The following IGSF21 variants were observed in gnomAD, a reference collection of about 807,000 sequenced individuals.
IGSF21 encodes the protein immunoglobulin superfamily member 21.
A neutral mutation model predicts 46.8 loss-of-function variants in IGSF21; 28 were observed. That is an observed-to-expected ratio of 0.60 (90% confidence interval 0.44 to 0.82). The LOEUF (loss-of-function observed/expected upper bound fraction) is 0.82. Among genes scored for constraint, IGSF21 ranks in the 40% least tolerant of loss-of-function variants. The pLI, the probability that IGSF21 is intolerant of heterozygous loss-of-function variation, is 0.00. For synonymous variants in IGSF21, 284 were observed against 273.6 expected, an observed-to-expected ratio of 1.04 and a Z score of -0.38; for missense variants, 624 against 665.5, an observed-to-expected ratio of 0.94 and a Z score of 0.69.
chr1:18,366,532 G>A (rs552426129), intron 6 of IGSF21, among the ~76,000 whole-genome samples: 12 of 152,150 alleles, frequency 7.9e-5, no homozygotes, highest in Non-Finnish European at 1.8e-4. Flanking sequence ...TGAGCTCAGA[G>A]GACAGTTGCT....
intron 2 of IGSF21, among the ~76,000 whole-genome samples, chr1:18,256,220 C>A (rs529149699): frequency 1.3e-5 from 2 of 152,174 alleles, no homozygotes; most frequent in African/African-American, 2.4e-5. Flanking sequence ...ATTCCTACCC[C>A]CCTTTAGGCT....
At chr1:18,160,513 G>A (rs894083376) in intron 1 of IGSF21, among the ~76,000 whole-genome samples, 3 of 152,034 alleles carry the variant, frequency 2.0e-5, no homozygotes, top group Non-Finnish European at 2.9e-5. Flanking sequence ...AGGCACACTT[G>A]GCTCTGCACT....
chr1:18,337,336 G>C lies in IGSF21; in HGVS notation c.424+2326G>C, dbSNP rs1452881008. Among the ~76,000 whole-genome samples, 3 of 152,168 alleles carry C rather than the reference G, an allele frequency of 2.0e-5. No homozygotes were observed. On this transcript the variant is annotated intron_variant, in intron 4 of 9. Coordinates refer to ENST00000251296, the MANE Select transcript of IGSF21 (RefSeq NM_032880.5). The surrounding 1 kb of genome is among the most constrained non-coding windows in gnomAD (Gnocchi z 5.7). ...TGCTTCCCTCCTAGGGTGGCTGTGA[G>C]GCTTAAAGTAGATAAAGTTTGCAGA...
At chr1:18,315,852 G>A (rs2085537897) in intron 3 of IGSF21, among the ~76,000 whole-genome samples, 1 of 150,830 alleles carries the variant, frequency 6.6e-6, no homozygotes, top group African/African-American at 2.4e-5. Context: ...GGGGGTGAGT[G>A]GATGGATAGC....
intron 1 of IGSF21, among the ~76,000 whole-genome samples, chr1:18,130,002 C>A (rs2086304144): frequency 1.3e-5 from 2 of 152,146 alleles, no homozygotes; most frequent in African/African-American, 2.4e-5. Flanking sequence ...TTATAAATTA[C>A]CCATGTTGTG....
At chr1:18,221,457 C>A (rs1199432217) in intron 1 of IGSF21, among the ~76,000 whole-genome samples, 1 of 152,204 alleles carries the variant, frequency 6.6e-6, no homozygotes, top group African/African-American at 2.4e-5. Context: ...AGCCAGCCCT[C>A]TGGACACATC....
chr1:18,221,881 C>A (rs879378635), intron 1 of IGSF21, among the ~76,000 whole-genome samples: 21 of 152,278 alleles, frequency 1.4e-4, no homozygotes, highest in Non-Finnish European at 2.2e-4. Context: ...GGAAGGTGGC[C>A]TCTGCTTCTG....
At chr1:18,188,192 AG>A (rs1429204853) in intron 1 of IGSF21, among the ~76,000 whole-genome samples, 1 of 151,260 alleles carries the variant, frequency 6.6e-6, no homozygotes, top group East Asian at 2.2e-4. Flanking sequence ...TTTTCGAAAA[AG>A]AAGAAGAGGA....
chr1:18,246,130 T>C (rs993583619), intron 2 of IGSF21, among the ~76,000 whole-genome samples: 1 of 152,152 alleles, frequency 6.6e-6, no homozygotes, highest in Admixed American at 6.5e-5. Flanking sequence ...TTGTTTCTCT[T>C]GAGCAGCATC....
chr1:18,227,764 C>T (rs1198228529), intron 1 of IGSF21, 134 bp from the exon 2 acceptor site: 7 of 664,522 alleles, frequency 1.1e-5, no homozygotes, highest in Admixed American at 4.1e-5. Context: ...GTGTGAACAG[C>T]GTCCCTCAAA....
intron 2 of IGSF21, among the ~76,000 whole-genome samples, chr1:18,264,232 A>G (rs1440781722): frequency 6.6e-6 from 1 of 152,110 alleles, no homozygotes; most frequent in East Asian, 1.9e-4. Flanking sequence ...CTTATTTCAC[A>G]AGAATCCCGT....
At chr1:18,166,409 T>C (rs528168225) in intron 1 of IGSF21, among the ~76,000 whole-genome samples, 56 of 152,260 alleles carry the variant, frequency 3.7e-4, no homozygotes, top group African/African-American at 1.3e-3. Context: ...TTGACCTCCC[T>C]GGCCTGAAGT....
At chr1:18,146,572 C>G (rs1328682839) in intron 1 of IGSF21, among the ~76,000 whole-genome samples, 1 of 152,170 alleles carries the variant, frequency 6.6e-6, no homozygotes, top group Non-Finnish European at 1.5e-5. Context: ...CTGCCCACAC[C>G]TCCACTCCCT....
At chr1:18,352,692 A>G (rs1364942611) in intron 4 of IGSF21, among the ~76,000 whole-genome samples, 1 of 152,210 alleles carries the variant, frequency 6.6e-6, no homozygotes, top group African/African-American at 2.4e-5. Flanking sequence ...TTCACTGCCT[A>G]GAAGGCTGCC....
At chr1:18,273,405 CTTTCCTTTCT>C (rs1557618229) in intron 2 of IGSF21, among the ~76,000 whole-genome samples, 22 of 133,242 alleles carry the variant, frequency 1.7e-4, no homozygotes, top group African/African-American at 5.8e-4. Context: ...CTTTCCTTTC[CTTTCCTTTCT>C]TTTCCTTTCC....
rs1426225557 is a variant in IGSF21 at position 18,337,823 on chromosome 1, C to T, written c.424+2813C>T. Among the ~76,000 whole-genome samples, 3 of 152,124 alleles carry T rather than the reference C, an allele frequency of 2.0e-5. No homozygotes were observed. Among genetic ancestry groups the T allele is most frequent in the African/African-American group, 7.2e-5 (3 of 41,432 alleles). On this transcript the variant is annotated intron_variant, in intron 4 of 9. Coordinates refer to ENST00000251296, the MANE Select transcript of IGSF21 (RefSeq NM_032880.5). This position sits in a 1 kb window ranked among gnomAD's most constrained non-coding sequence, Gnocchi z 5.7. ...TCATCCAATCCTCACTGCAGATCGGCGCGTGGGGGATTACTATTATCTCTA... is the reference window on the plus strand; with the variant it reads ...TCATCCAATCCTCACTGCAGATCGGTGCGTGGGGGATTACTATTATCTCTA...
intron 4 of IGSF21, among the ~76,000 whole-genome samples, chr1:18,350,904 C>T (rs1218650987): frequency 6.6e-6 from 1 of 151,520 alleles, no homozygotes; most frequent in East Asian, 2.0e-4. Context: ...GGTAGGGGCT[C>T]TGCAGGGAGA....
intron 1 of IGSF21, among the ~76,000 whole-genome samples, chr1:18,154,296 T>G (rs1262755056): frequency 6.6e-6 from 1 of 152,096 alleles, no homozygotes; most frequent in Non-Finnish European, 1.5e-5. Context: ...CTCTCTTTCT[T>G]TTGTCATCTC....
chr1:18,313,570 T>C (rs1366209744), intron 3 of IGSF21, among the ~76,000 whole-genome samples: 1 of 152,184 alleles, frequency 6.6e-6, no homozygotes, highest in Non-Finnish European at 1.5e-5. Context: ...GGGCTGGTGA[T>C]GATTATGTGC....
Sources: allele counts gnomAD v4.1 joint callset (sites outside exome capture counted in the v4.1 genomes callset), GRCh38; gene constraint gnomAD v4.1.1; non-coding constraint Gnocchi (gnomAD v3.1); transcripts MANE v1.5; gene names NCBI Gene and HGNC (gene_info 2026-07-23, HGNC 2026-07-21).